TANC1: variants seen among roughly 807,000 people sequenced by gnomAD.
The protein encoded by TANC1 is tetratricopeptide repeat, ankyrin repeat and coiled-coil containing 1, also known as protein TANC1.
Under a neutral mutation model 149.7 loss-of-function variants are expected in TANC1, and 77 were observed. The observed-to-expected ratio is 0.51, with a 90% CI of 0.43 to 0.62. The LOEUF (loss-of-function observed/expected upper bound fraction) is 0.62, where lower values mean the gene tolerates loss of function less well. Among genes scored for constraint, TANC1 ranks in the 20% least tolerant of loss-of-function variants. The pLI, the probability that TANC1 is intolerant of heterozygous loss-of-function variation, is 0.00. For synonymous variants in TANC1, 854 were observed against 925.0 expected (o/e 0.92, Z 1.39); for missense variants, 1,985 against 2,321.8 (o/e 0.85, Z 2.98).
chr2:158,977,339 C>T (rs2033809500), intron 1 of TANC1, among the ~76,000 whole-genome samples: 1 of 151,944 alleles, frequency 6.6e-6, no homozygotes, highest in African/African-American at 2.4e-5. Context: ...GAGATGGAAA[C>T]TTTCTCTGTT....
At chr2:159,137,006 G>T (rs1340224260) in intron 5 of TANC1, among the ~76,000 whole-genome samples, 1 of 152,098 alleles carries the variant, frequency 6.6e-6, no homozygotes, top group African/African-American at 2.4e-5. Context: ...TTTAATTTGG[G>T]TGTTTTGAAT....
Position 159,070,337 on chromosome 2 carries a change from CGCATAG to C in TANC1, c.61+4367_61+4372del, listed in dbSNP as rs1424879440. On this transcript the variant is annotated intron_variant, in intron 3 of 26. Coordinates refer to ENST00000263635, the MANE Select transcript of TANC1 (RefSeq NM_033394.3). ...AGGTTCAGAGATTTTCCCCCACACA[CGCATAG>C]CTTCCACCATTATCAACATTTTCCA... is the stretch of plus-strand genomic sequence containing the variant. 7.9e-5 allele frequency among the ~76,000 whole-genome samples: 12 copies of C among 151,900 alleles called. No individual in the cohort carries two copies. The South Asian group carries it at 2.1e-3, about 26-fold the overall frequency.
intron 19 of TANC1, among the ~76,000 whole-genome samples, chr2:159,216,711 C>T (rs7574499): frequency 0.19 from 29,069 of 152,078 alleles, 4,119 homozygotes; most frequent in East Asian, 0.48. Context: ...AGCACCACCA[C>T]GACAGTGGGC....
chr2:159,152,464 T>A (rs968441640), intron 7 of TANC1, among the ~76,000 whole-genome samples: 6 of 73,804 alleles, frequency 8.1e-5, no homozygotes, highest in African/African-American at 2.2e-4. Context: ...TATAACCAAA[T>A]TTTTTTTTTT....
intron 19 of TANC1, among the ~76,000 whole-genome samples, chr2:159,213,300 G>A (rs116401485): frequency 0.01 from 1,562 of 152,164 alleles, 34 homozygotes; most frequent in African/African-American, 0.036. Flanking sequence ...ATCGTGGCAG[G>A]AAGAGACTAC....
intron 5 of TANC1, among the ~76,000 whole-genome samples, chr2:159,146,115 A>G (rs955983647): frequency 6.6e-6 from 1 of 152,128 alleles, no homozygotes; most frequent in Non-Finnish European, 1.5e-5. Flanking sequence ...ATGTATTTCC[A>G]TTTCACAGCG....
At chr2:159,061,283 C>T (rs2042217191) in intron 2 of TANC1, among the ~76,000 whole-genome samples, 2 of 151,232 alleles carry the variant, frequency 1.3e-5, no homozygotes, top group African/African-American at 4.9e-5. Context: ...GACAGGATAC[C>T]CCCCAATATG....
intron 20 of TANC1, among the ~76,000 whole-genome samples, chr2:159,218,497 C>T (rs750893200): frequency 2.6e-5 from 4 of 152,170 alleles, no homozygotes; most frequent in Non-Finnish European, 4.4e-5. Context: ...AGTGGATAAA[C>T]GAGCAAGAAG....
intron 2 of TANC1, among the ~76,000 whole-genome samples, chr2:159,025,378 A>G (rs2039252194): frequency 6.6e-6 from 1 of 151,998 alleles, no homozygotes; most frequent in South Asian, 2.1e-4. Flanking sequence ...CCTTCATACC[A>G]TACATTAGAT....
intron 2 of TANC1, among the ~76,000 whole-genome samples, chr2:159,053,257 C>T (rs1475103687): frequency 6.7e-6 from 1 of 149,984 alleles, no homozygotes; most frequent in East Asian, 1.9e-4. Flanking sequence ...ATTAAGCCTT[C>T]AAGTCCAACA....
intron 2 of TANC1, among the ~76,000 whole-genome samples, chr2:159,046,726 A>G (rs1446978226): frequency 6.7e-6 from 1 of 149,170 alleles, no homozygotes. Context: ...TCAGACCCTC[A>G]AATAGCTAGG....
At chr2:159,107,891 A>G (rs765816747) in intron 4 of TANC1, among the ~76,000 whole-genome samples, 1 of 152,130 alleles carries the variant, frequency 6.6e-6, no homozygotes, top group East Asian at 1.9e-4. Flanking sequence ...CTGCCCTGAC[A>G]TTCTGTGACA....
intron 11 of TANC1, among the ~76,000 whole-genome samples, chr2:159,173,953 G>A (rs1444816059): frequency 6.6e-6 from 1 of 152,194 alleles, no homozygotes; most frequent in Non-Finnish European, 1.5e-5. Context: ...AGGTTGGCAA[G>A]GCATCTAACC....
At chr2:158,976,248 T>C (rs1240054806) in intron 1 of TANC1, among the ~76,000 whole-genome samples, 1 of 152,236 alleles carries the variant, frequency 6.6e-6, no homozygotes, top group Non-Finnish European at 1.5e-5. Flanking sequence ...AAATATTTAA[T>C]GTATGAGTTG....
chr2:159,143,551 C>CAAAAAA (rs56992262), intron 5 of TANC1, among the ~76,000 whole-genome samples: 19 of 67,298 alleles, frequency 2.8e-4, no homozygotes, highest in African/African-American at 6.5e-4. Context: ...GACCCCATCT[C>CAAAAAA]AAAAAAAAAA....
rs369527846 is a variant in TANC1 at position 159,229,584 on chromosome 2, C to G, written c.4158C>G (p.Phe1386Leu). ...RARAKRNSRQ[F>L]VAALADLQEA... ...CTTACATTTTCCTACAAAGGCAATT[C>G]GTGGCAGCTCTGGCTGACCTGCAAG... The change falls in exon 27 of 27, where the codon TTC (phenylalanine) becomes TTG (leucine). Residue 1386 changes from phenylalanine to leucine, a missense_variant. Around this residue, in one of 3 missense-constraint regions of TANC1, gnomAD observed 920 missense variants for 994.7 expected, o/e 0.92. Coordinates refer to ENST00000263635, the MANE Select transcript of TANC1 (RefSeq NM_033394.3). 11 of 1,610,724 alleles carry G rather than the reference C, an allele frequency of 6.8e-6. No individual in the cohort carries two copies. Among genetic ancestry groups the G allele is most frequent in the Admixed American group, 6.8e-5 (4 of 59,248 alleles).
intron 4 of TANC1, among the ~76,000 whole-genome samples, chr2:159,130,201 C>G (rs879322374): frequency 2.6e-5 from 4 of 152,152 alleles, no homozygotes; most frequent in Admixed American, 1.3e-4. Context: ...TTTTTAAGAG[C>G]CTCCTGCGTT....
chr2:159,212,015 G>A (rs1559467644), intron 19 of TANC1, among the ~76,000 whole-genome samples: 1 of 152,252 alleles, frequency 6.6e-6, no homozygotes, highest in Admixed American at 6.5e-5. Flanking sequence ...GTGAAACAGA[G>A]GTCCCTATTT....
chr2:159,085,255 G>A (rs2044719702), intron 3 of TANC1, among the ~76,000 whole-genome samples: 1 of 152,154 alleles, frequency 6.6e-6, no homozygotes, highest in Non-Finnish European at 1.5e-5. Context: ...TCTCTGCCGT[G>A]TTGTGATGCA....
Sources: gnomAD v4.1 joint callset for allele counts (sites outside exome capture counted in the v4.1 genomes callset) on GRCh38, gnomAD v4.1.1 for gene constraint, gnomAD v4.1.1 regional missense constraint, MANE v1.5 for transcripts, NCBI Gene and HGNC (gene_info 2026-07-23, HGNC 2026-07-21) for gene names.